CRTC3: variants seen among roughly 807,000 people sequenced by gnomAD.
CRTC3 encodes the protein CREB regulated transcription coactivator 3, also known as CREB-regulated transcription coactivator 3.
Under a neutral mutation model 74.5 loss-of-function variants are expected in CRTC3, and 26 were observed. That is an observed-to-expected ratio of 0.35 (90% CI 0.26 to 0.48). The LOEUF (loss-of-function observed/expected upper bound fraction) is 0.48. Ranked by LOEUF, CRTC3 falls within the 20% of genes least tolerant of loss-of-function variation. The pLI is 0.99. For synonymous variants in CRTC3, 377 were observed against 325.8 expected, an observed-to-expected ratio of 1.16 and a Z score of -1.69; for missense variants, 760 against 787.3, an observed-to-expected ratio of 0.97 and a Z score of 0.41.
intron 11 of CRTC3, among the ~76,000 whole-genome samples, chr15:90,630,037 T>A (rs1359462935): frequency 6.6e-6 from 1 of 152,224 alleles, no homozygotes. Flanking sequence ...TTAATGATTT[T>A]TTATTATAAT....
intron 2 of CRTC3, among the ~76,000 whole-genome samples, chr15:90,582,906 G>A (rs146869377): frequency 1.3e-3 from 202 of 152,330 alleles, no homozygotes; most frequent in Admixed American, 2.8e-3. Flanking sequence ...TTCTCCAGGT[G>A]AGAAGCTCTG....
intron 6 of CRTC3, 80 bp from the exon 7 acceptor site, chr15:90,614,371 AAG>A: frequency 3.0e-6 from 3 of 1,007,524 alleles, no homozygotes; most frequent in Middle Eastern, 5.3e-4. Flanking sequence ...TCAAATCATA[AAG>A]AGTTACTGAT....
intron 11 of CRTC3, chr15:90,634,577 G>T (rs920573588): frequency 1.7e-5 from 7 of 414,380 alleles, no homozygotes; most frequent in African/African-American, 1.0e-4. Flanking sequence ...GTGTGTGTCT[G>T]CTCTGGCCTC....
intron 2 of CRTC3, among the ~76,000 whole-genome samples, chr15:90,560,904 CT>C (rs1359026059): frequency 6.6e-6 from 1 of 152,132 alleles, no homozygotes; most frequent in East Asian, 1.9e-4. Flanking sequence ...CATACAAGCC[CT>C]TTTCTTGATC....
chr15:90,619,645 G>A (rs1056372602), intron 8 of CRTC3, 96 bp from the exon 9 acceptor site: 15 of 944,654 alleles, frequency 1.6e-5, no homozygotes, highest in Admixed American at 1.1e-4. Flanking sequence ...TCTCACTTGC[G>A]CCCACTAGAG....
intron 11 of CRTC3, among the ~76,000 whole-genome samples, chr15:90,632,715 C>T (rs1430271898): frequency 6.6e-6 from 1 of 152,200 alleles, no homozygotes; most frequent in Non-Finnish European, 1.5e-5. Context: ...AGCGATTTTC[C>T]TGCCTCAGCT....
intron 6 of CRTC3, among the ~76,000 whole-genome samples, chr15:90,612,076 T>TCCTCCG (rs1968375019): frequency 1.2e-5 from 1 of 86,812 alleles, no homozygotes; most frequent in South Asian, 4.6e-4. Flanking sequence ...CTCCTCCTCC[T>TCCTCCG]CCTCCGCCTC....
intron 2 of CRTC3, among the ~76,000 whole-genome samples, chr15:90,557,119 C>T (rs541531702): frequency 6.6e-6 from 1 of 152,026 alleles, no homozygotes; most frequent in Non-Finnish European, 1.5e-5. Context: ...ATGTCTTATA[C>T]TCTAGCTAGG....
At chr15:90,615,026 T>C (rs981798784) in intron 7 of CRTC3, among the ~76,000 whole-genome samples, 1 of 152,114 alleles carries the variant, frequency 6.6e-6, no homozygotes, top group Non-Finnish European at 1.5e-5. Context: ...ATTGTGCCAC[T>C]GCACTCCAGT....
In CRTC3 at chr15:90,638,776, C is replaced by G. The variant is rs375031736; in HGVS notation, c.1509C>G (p.Asp503Glu). The change falls in exon 13 of 15, where the codon GAC becomes GAG. Residue 503 changes from aspartate to glutamate, a missense_variant. Physicochemically the swap from Asp to Glu is conservative, Grantham distance 45 (BLOSUM62 2). This residue lies in a region of CRTC3 where 652 missense variants were observed against 635.2 expected (regional missense o/e 1.03). Transcript: ENST00000268184. Reference protein sequence around the residue: ...LTNFFPDVGFDQQSMRPGPAF... With the variant: ...LTNFFPDVGFEQQSMRPGPAF... ...ACTTCTTCCCAGATGTGGGTTTTGA[C>G]CAGCAGTCCATGAGGCCAGGCCCTG... 1 of 1,614,184 alleles carries G rather than the reference C, an allele frequency of 6.2e-7. No homozygotes were observed. The highest frequency in any genetic ancestry group is 1.7e-5 in the Admixed American group (1 of 60,034).
intron 6 of CRTC3, among the ~76,000 whole-genome samples, chr15:90,609,878 C>G (rs1192040487): frequency 6.6e-6 from 1 of 152,154 alleles, no homozygotes; most frequent in Non-Finnish European, 1.5e-5. Context: ...GTGGTCTCTC[C>G]TTTTCAAATC....
chr15:90,598,733 C>G (rs773550270), intron 3 of CRTC3: 10 of 569,286 alleles, frequency 1.8e-5, no homozygotes, highest in Non-Finnish European at 3.1e-5. Flanking sequence ...GAAGTATGCA[C>G]TTGGAGTTCA....
chr15:90,641,117 T>C lies in CRTC3; in HGVS notation c.1569T>C (p.Gly523=). 6.2e-7 allele frequency: 1 copy of C among 1,613,904 alleles called. No homozygotes were observed. Among genetic ancestry groups the C allele is most frequent in the East Asian group, 2.2e-5 (1 of 44,878 alleles). ...TCCAGGTGCCTCTGGTGCAACAAGG[T>C]TCCCGAGAACTGCAGGACTCTTTTC... ...FPQQVPLVQQ[G]SRELQDSFHL... is the part of the protein sequence containing the mutation. The change falls in exon 14 of 15, where the codon GGT becomes GGC. Residue 523 remains glycine (G), a synonymous_variant. Transcript: ENST00000268184.
intron 13 of CRTC3, among the ~76,000 whole-genome samples, chr15:90,640,366 G>GCCTT (rs146942837): frequency 0.061 from 9,309 of 152,178 alleles, 461 homozygotes; most frequent in Admixed American, 0.17. Flanking sequence ...GAAAAGGAAA[G>GCCTT]CCTTCCCCTT....
At position 90,601,489 on chromosome 15, in the gene CRTC3, A is replaced by T. The variant is rs531773368; in HGVS notation, c.352-835A>T. On this transcript the variant is annotated intron_variant, in intron 3 of 14. Coordinates refer to ENST00000268184, the MANE Select transcript of CRTC3 (RefSeq NM_022769.5). ...ACGTGGAGAAACCCTGTCTCTAATT[A>T]AAAAAAATACAAAATTAGCCGGGTG... 7.0e-3 allele frequency among the ~76,000 whole-genome samples: 675 copies of T among 96,478 alleles called. 11 individuals are homozygous for T. Among genetic ancestry groups the T allele is most frequent in the African/African-American group, 0.025 (642 of 25,886 alleles). The allele number at this position is 96,478 out of a possible 152,430, so 63.3% of individuals were successfully genotyped here. A position where few individuals can be genotyped will look rare whatever the true frequency, so the allele number is the denominator to read the frequency against.
chr15:90,635,127 A>C (rs546199755), intron 11 of CRTC3: 1 of 573,264 alleles, frequency 1.7e-6, no homozygotes, highest in African/African-American at 2.3e-5. Flanking sequence ...CATATTTCTT[A>C]TAATAAACTA....
At chr15:90,624,791 C>G (rs536133246) in intron 9 of CRTC3, 13 of 152,384 alleles carry the variant, frequency 8.5e-5, no homozygotes, top group Admixed American at 8.5e-4. Flanking sequence ...CCTGGGGCCC[C>G]GCCCTTGAGA....
intron 2 of CRTC3, among the ~76,000 whole-genome samples, chr15:90,577,941 G>A (rs1172693425): frequency 3.9e-5 from 6 of 152,132 alleles, no homozygotes; most frequent in East Asian, 1.9e-4. Context: ...ATGGAGTCTC[G>A]CTCTGCTGCC....
chr15:90,619,871 C>T (rs1334591215), intron 9 of CRTC3, 81 bp downstream of exon 9: 12 of 1,197,526 alleles, frequency 1.0e-5, no homozygotes, highest in Admixed American at 9.7e-5. Context: ...TGTTACAGAA[C>T]TCTCAGAAAC....
Sources: gnomAD v4.1 joint callset for allele counts (sites outside exome capture counted in the v4.1 genomes callset) on GRCh38, gnomAD v4.1.1 for gene constraint, gnomAD v4.1.1 regional missense constraint, MANE v1.5 for transcripts, NCBI Gene and HGNC (gene_info 2026-07-23, HGNC 2026-07-21) for gene names.